TXNDC15: variants seen among roughly 807,000 people sequenced by gnomAD.
TXNDC15 encodes thioredoxin domain containing 15.
In TXNDC15, 24 loss-of-function variants were observed where a neutral mutation model predicts 35.0. The observed-to-expected ratio is 0.68, with a 90% CI of 0.50 to 0.96. TXNDC15 has a LOEUF of 0.96. TXNDC15 is among the 40% of genes least tolerant of loss of function. TXNDC15 has a pLI of 0.00. For synonymous variants in TXNDC15, 169 were observed against 174.0 expected (o/e 0.97, Z 0.23); for missense variants, 385 against 453.3 (o/e 0.85, Z 1.37).
chr5:134,882,457 C>G (rs1030048407), intron 1 of TXNDC15, among the ~76,000 whole-genome samples: 4 of 152,194 alleles, frequency 2.6e-5, no homozygotes, highest in Non-Finnish European at 5.9e-5. Context: ...CGGGCAGAGG[C>G]TGCAATCTCG....
rs1177585290 is a variant in TXNDC15 at position 134,888,063 on chromosome 5, G to A, written c.472G>A (p.Ala158Thr). 2 of 1,614,172 alleles carry A rather than the reference G, an allele frequency of 1.2e-6. No homozygotes were observed. The highest frequency in any genetic ancestry group is 1.7e-5 in the Admixed American group (1 of 60,008). The change falls in exon 2 of 5, where the codon GCA becomes ACA. Residue 158 changes from alanine (A) to threonine (T), a missense_variant. Ala to Thr is a moderately conservative substitution (Grantham distance 58). Coordinates refer to ENST00000358387, the MANE Select transcript of TXNDC15 (RefSeq NM_024715.4). ...AGAGCCAGAAGTGGCGGAATCTGAC[G>A]CAGCCCCGACAGAGGACTCCAATAA... ...YTEPEVAESD[A>T]APTEDSNNTE...
chr5:134,875,132 C>A, intron 1 of TXNDC15: 1 of 456,280 alleles, frequency 2.2e-6, no homozygotes, highest in Non-Finnish European at 4.4e-6. Flanking sequence ...TGCTCAGCTC[C>A]CTGCATGAAA....
At chr5:134,890,844 TC>T (rs1269528685) in intron 2 of TXNDC15, among the ~76,000 whole-genome samples, 4 of 152,252 alleles carry the variant, frequency 2.6e-5, no homozygotes, top group African/African-American at 9.6e-5. Context: ...TGCTGCATTA[TC>T]AACTAAGTTT....
chr5:134,901,526 C>T lies in TXNDC15; in HGVS notation c.*1841C>T, dbSNP rs924855200. 2.1e-4 allele frequency: 32 copies of T among 152,212 alleles called. No individual in the cohort carries two copies. Among genetic ancestry groups the T allele is most frequent in the Admixed American group, 1.6e-3 (24 of 15,280 alleles). 9.4% of individuals were successfully genotyped at this position (152,212 alleles called of 1,614,324 possible). A position where few individuals can be genotyped will look rare whatever the true frequency, so the allele number is the denominator to read the frequency against. On this transcript the variant is annotated 3_prime_UTR_variant, in exon 5 of 5. Transcript: ENST00000358387. ...TGTAAGGAAAACTCTAGTGAGTCCACCTCTTATATTGAGTTATTACTGTGT... is the reference window on the plus strand; with the variant it reads ...TGTAAGGAAAACTCTAGTGAGTCCATCTCTTATATTGAGTTATTACTGTGT...
intron 1 of TXNDC15, among the ~76,000 whole-genome samples, chr5:134,876,877 C>G (rs1750045595): frequency 6.6e-6 from 1 of 151,898 alleles, no homozygotes; most frequent in East Asian, 1.9e-4. Context: ...GCTTCAATAC[C>G]CCTATGCCAC....
chr5:134,890,415 C>CTT (rs1049953762), intron 2 of TXNDC15, among the ~76,000 whole-genome samples: 1 of 139,352 alleles, frequency 7.2e-6, no homozygotes, highest in African/African-American at 2.6e-5. Flanking sequence ...TCTTTTCTTT[C>CTT]TTTTTTTTTT....
At chr5:134,880,927 G>A (rs1028762761) in intron 1 of TXNDC15, among the ~76,000 whole-genome samples, 6 of 151,710 alleles carry the variant, frequency 4.0e-5, no homozygotes, top group African/African-American at 1.5e-4. Flanking sequence ...GTGCTTTGTT[G>A]TAGTTCATTG....
rs540741995 is a variant in TXNDC15, at chr5:134,887,921, C to T, written c.330C>T (p.Ser110=). The part of the protein sequence containing the change: ...EAEDKVSSEP[S]GVTCGAGGAE... ...AGGACAAAGTGAGTTCAGAGCCTAG[C>T]GGCGTCACCTGTGGTGCTGGAGGAG... Residue 110 remains serine (S), a synonymous_variant, in exon 2 of 5, where the codon AGC becomes AGT. Transcript: ENST00000358387. The T allele has an allele frequency of 1.7e-4, 281 of 1,614,142 alleles. 2 individuals are homozygous for T. In the South Asian group the frequency reaches 2.8e-3, roughly 16 times the overall value.
At chr5:134,879,028 C>T (rs973399967) in intron 1 of TXNDC15, among the ~76,000 whole-genome samples, 5 of 152,108 alleles carry the variant, frequency 3.3e-5, no homozygotes, top group African/African-American at 1.2e-4. Context: ...AGCACATTAC[C>T]AAGGGAGGGT....
chr5:134,892,964 C>T (rs1033150497), intron 2 of TXNDC15: 3 of 153,772 alleles, frequency 2.0e-5, no homozygotes, highest in African/African-American at 7.2e-5. Context: ...TATCATAGAT[C>T]ACCATAACAG....
chr5:134,885,111 A>G (rs1346763616), intron 1 of TXNDC15, among the ~76,000 whole-genome samples: 1 of 151,934 alleles, frequency 6.6e-6, no homozygotes, highest in Non-Finnish European at 1.5e-5. Flanking sequence ...TAATAGAGAC[A>G]GGGTTTCACC....
At chr5:134,884,239 G>T (rs1027118217) in intron 1 of TXNDC15, among the ~76,000 whole-genome samples, 74 of 150,314 alleles carry the variant, frequency 4.9e-4, no homozygotes, top group Non-Finnish European at 7.5e-4. Flanking sequence ...AAAAAAAAGG[G>T]TACAATTTGA....
intron 2 of TXNDC15, among the ~76,000 whole-genome samples, chr5:134,891,270 A>G (rs981872245): frequency 6.6e-6 from 1 of 152,348 alleles, no homozygotes; most frequent in East Asian, 1.9e-4. Context: ...ATTGCTATCT[A>G]TGGCAACTAT....
intron 1 of TXNDC15, among the ~76,000 whole-genome samples, chr5:134,885,726 G>A (rs985498898): frequency 2.0e-5 from 3 of 152,300 alleles, no homozygotes; most frequent in Admixed American, 6.5e-5. Flanking sequence ...CAGTGGGAAC[G>A]CCATCAAGGC....
intron 1 of TXNDC15, chr5:134,874,957 A>C: frequency 2.7e-6 from 1 of 364,560 alleles, no homozygotes; most frequent in Non-Finnish European, 5.4e-6. Flanking sequence ...TGCTCCCACA[A>C]ACCCTGTCAG....
intron 3 of TXNDC15, among the ~76,000 whole-genome samples, chr5:134,894,706 G>T (rs925799148): frequency 6.6e-6 from 1 of 152,022 alleles, no homozygotes; most frequent in Non-Finnish European, 1.5e-5. Context: ...TGTTGAGATG[G>T]TATATGTTTC....
rs1472434869 is a variant in TXNDC15, at chr5:134,901,524, C to T, written c.*1839C>T. On this transcript the variant is annotated 3_prime_UTR_variant, in exon 5 of 5. Coordinates refer to ENST00000358387, the MANE Select transcript of TXNDC15 (RefSeq NM_024715.4). ...AATGTAAGGAAAACTCTAGTGAGTC[C>T]ACCTCTTATATTGAGTTATTACTGT... The T allele has an allele frequency of 6.6e-6, 1 of 152,144 alleles. No homozygotes were observed. The highest frequency in any genetic ancestry group is 1.9e-4 in the East Asian group (1 of 5,198). 9.4% of individuals were successfully genotyped at this position (152,144 alleles called of 1,614,324 possible).
intron 1 of TXNDC15, chr5:134,875,079 T>C: frequency 2.2e-6 from 1 of 454,696 alleles, no homozygotes; most frequent in Non-Finnish European, 4.4e-6. Flanking sequence ...AAGCCCAGTC[T>C]GGAGTCCACG....
At chr5:134,879,794 CTTTT>C (rs57805546) in intron 1 of TXNDC15, among the ~76,000 whole-genome samples, 1 of 132,926 alleles carries the variant, frequency 7.5e-6, no homozygotes, top group Non-Finnish European at 1.6e-5. Flanking sequence ...TCTTACCTGC[CTTTT>C]TTTTTTTTTT....
Sources: allele counts gnomAD v4.1 joint callset (sites outside exome capture counted in the v4.1 genomes callset), GRCh38; gene constraint gnomAD v4.1.1; transcripts MANE v1.5; gene names NCBI Gene and HGNC (gene_info 2026-07-23, HGNC 2026-07-21).